SHROOM4: variants seen among roughly 807,000 people sequenced by gnomAD.
SHROOM4 encodes shroom family member 4.
Under a neutral mutation model 80.3 loss-of-function variants are expected in SHROOM4, and 17 were observed. That is an observed-to-expected ratio of 0.21 (90% CI 0.14 to 0.32). The LOEUF is 0.32. Ranked by LOEUF, SHROOM4 falls within the 10% of genes least tolerant of loss-of-function variation. The pLI is 1.00. For synonymous variants in SHROOM4, 400 were observed against 437.5 expected (o/e 0.91, Z 1.07); for missense variants, 993 against 1,140.3 (o/e 0.87, Z 1.86).
At chrX:50,633,075 C>T in intron 4 of SHROOM4, 103 bp downstream of exon 4, 1 of 837,793 alleles carries the variant, frequency 1.2e-6, no homozygotes, top group Non-Finnish European at 1.7e-6. Context: ...CAGTGCTGTA[C>T]AGTTTCAAGG....
chrX:50,575,986 C>T, the SHROOM4 span, among the ~76,000 whole-genome samples: 1 of 111,601 alleles, frequency 9.0e-6, no homozygotes, highest in African/African-American at 3.3e-5. Flanking sequence ...TGGGGGGAAT[C>T]ACCCCCTTTC....
intron 1 of SHROOM4, among the ~76,000 whole-genome samples, chrX:50,724,073 G>A (rs1237943434): frequency 9.1e-6 from 1 of 110,115 alleles, no homozygotes; most frequent in African/African-American, 3.3e-5. Context: ...GATGGATGAT[G>A]CACCCCTTAC....
Position 50,659,343 on chromosome X carries a change from G to A in SHROOM4, c.270-21035C>T, listed in dbSNP as rs182591157. ...TGTATAATGCAGGGATAGAGTAGAG[G>A]GGCAAGTTTGAGAAATGTCTGGTCT... On this transcript the variant is annotated intron_variant, in intron 2 of 8. Coordinates refer to ENST00000376020, the MANE Select transcript of SHROOM4 (RefSeq NM_020717.5). Among the ~76,000 whole-genome samples the A allele has an allele frequency of 2.6e-3, 285 of 111,362 alleles. 1 individual carries two copies. Among genetic ancestry groups the A allele is most frequent in the African/African-American group, 8.9e-3 (273 of 30,614 alleles).
chrX:50,634,321 C>G lies in SHROOM4; in HGVS notation c.1752G>C (p.Lys584Asn), dbSNP rs1931223698. 2 of 1,209,070 alleles carry G rather than the reference C, an allele frequency of 1.7e-6. No individual in the cohort carries two copies. Among genetic ancestry groups the G allele is most frequent in the Non-Finnish European group, 2.2e-6 (2 of 895,066 alleles). ...TRGRSIQNRR[K>N]SERFATNLRN... ...GCAGATTGGTAGCAAAACGCTCACT[C>G]TTCCGCCGGTTTTGGATCGAGCGGC... The change falls in exon 4 of 9, where the codon AAG becomes AAC. Residue 584 changes from lysine to asparagine, a missense_variant. By Grantham distance (94) the Lys-to-Asn change is moderately conservative. Transcript: ENST00000376020.
At chrX:50,718,876 A>T (rs1473233028) in intron 1 of SHROOM4, among the ~76,000 whole-genome samples, 4 of 111,525 alleles carry the variant, frequency 3.6e-5, no homozygotes, top group Admixed American at 9.5e-5. Flanking sequence ...TCCTAGCCCA[A>T]TGCAAACTTA....
intron 1 of SHROOM4, among the ~76,000 whole-genome samples, chrX:50,723,393 G>GGGGAGA (rs1557265631): frequency 1.8e-5 from 1 of 54,471 alleles, no homozygotes; most frequent in Non-Finnish European, 3.3e-5. Flanking sequence ...AGCAAGGGAG[G>GGGGAGA]GAGAGAGAGA....
At chrX:50,621,094 A>G (rs782340206) in intron 5 of SHROOM4, among the ~76,000 whole-genome samples, 94 of 112,156 alleles carry the variant, frequency 8.4e-4, no homozygotes, top group Non-Finnish European at 8.3e-4. Flanking sequence ...TGGAATAAAT[A>G]TGCGATTCTA....
intron 2 of SHROOM4, among the ~76,000 whole-genome samples, chrX:50,669,673 C>T (rs113017152): frequency 0.077 from 8,640 of 111,716 alleles, 838 homozygotes; most frequent in African/African-American, 0.27. Flanking sequence ...TGTTGAATAT[C>T]CTAAATCCCT....
At chrX:50,680,309 GT>G (rs1317904386) in intron 2 of SHROOM4, among the ~76,000 whole-genome samples, 2 of 111,580 alleles carry the variant, frequency 1.8e-5, no homozygotes, top group African/African-American at 6.5e-5. Flanking sequence ...AATGTCCATG[GT>G]TTTAGCTCCT....
Position 50,607,608 on chromosome X carries a change from C to G in SHROOM4, c.3534G>C (p.Glu1178Asp). Residue 1178 changes from glutamate to aspartate, a missense_variant, in exon 6 of 9, where the codon GAG (glutamate) becomes GAC (aspartate). By Grantham distance (45) the Glu-to-Asp change is conservative. Coordinates refer to ENST00000376020, the MANE Select transcript of SHROOM4 (RefSeq NM_020717.5). ...TGAGGGGTTGTGGCTGCTCTAGGACCTCCTCAGGATTGAGAGCACAGGAAC... is the reference window on the plus strand; with the variant it reads ...TGAGGGGTTGTGGCTGCTCTAGGACGTCCTCAGGATTGAGAGCACAGGAAC... The part of the protein sequence containing the change: ...TSGSCALNPE[E>D]VLEQPQPLSF... 1 of 1,211,593 alleles carries G rather than the reference C, an allele frequency of 8.3e-7. No homozygotes were observed. The highest frequency in any genetic ancestry group is 1.1e-6 in the Non-Finnish European group (1 of 895,455).
rs781927432 is a variant in SHROOM4 at position 50,714,829 on chromosome X, G to T, written c.118-18892C>A. On this transcript the variant is annotated intron_variant, in intron 1 of 8. Transcript: ENST00000376020. Reference sequence around the variant, plus strand: ...GCTCAATCTTCTGCAATTCCCAGAGGATATGCTACAGAAGATCATGAAGCT... The same window carrying T: ...GCTCAATCTTCTGCAATTCCCAGAGTATATGCTACAGAAGATCATGAAGCT... Among the ~76,000 whole-genome samples, 3 of 111,583 alleles carry T rather than the reference G, an allele frequency of 2.7e-5. No homozygotes were observed. The Admixed American group carries it at 2.9e-4, about 11-fold the overall frequency.
chrX:50,587,793 T>C lies in SHROOM4; in HGVS notation c.*8902A>G, dbSNP rs1928789446. On this transcript the variant is annotated 3_prime_UTR_variant, in exon 9 of 9. Coordinates refer to ENST00000376020, the MANE Select transcript of SHROOM4 (RefSeq NM_020717.5). The stretch of plus-strand genomic sequence containing the variant: ...ACACTTACAATCTATTTTGTTTAAC[T>C]TACAAACAGCAAAAATGCTACCACA... Among the ~76,000 whole-genome samples, 1 of 112,329 alleles carries C rather than the reference T, an allele frequency of 8.9e-6. No individual in the cohort carries two copies. Among genetic ancestry groups the C allele is most frequent in the Non-Finnish European group, 1.9e-5 (1 of 53,236 alleles).
chrX:50,749,717 A>G (rs782754242), intron 1 of SHROOM4, among the ~76,000 whole-genome samples: 28 of 112,133 alleles, frequency 2.5e-4, no homozygotes, highest in Non-Finnish European at 4.7e-4. Context: ...GGGATATTTA[A>G]GAAAGATAGT....
At chrX:50,776,972 G>A (rs1935525674) in intron 1 of SHROOM4, among the ~76,000 whole-genome samples, 1 of 111,530 alleles carries the variant, frequency 9.0e-6, no homozygotes, top group African/African-American at 3.3e-5. Context: ...ACAGGTGTGA[G>A]CCACCGCACC....
At chrX:50,715,569 G>A (rs192819629) in intron 1 of SHROOM4, among the ~76,000 whole-genome samples, 6 of 111,851 alleles carry the variant, frequency 5.4e-5, no homozygotes, top group African/African-American at 2.0e-4. Flanking sequence ...ATGGCAAATG[G>A]CCAGCAGGCA....
downstream of SHROOM4, among the ~76,000 whole-genome samples, chrX:50,585,634 G>A (rs1338050448): frequency 1.8e-5 from 2 of 111,480 alleles, no homozygotes; most frequent in Admixed American, 1.9e-4. Flanking sequence ...ATGGTGTTAT[G>A]CAGCTAGGCA....
At chrX:50,623,253 T>C (rs927608120) in intron 5 of SHROOM4, among the ~76,000 whole-genome samples, 1 of 111,497 alleles carries the variant, frequency 9.0e-6, no homozygotes, top group African/African-American at 3.3e-5. Flanking sequence ...AGTATCACAA[T>C]CTTGGCTCAC....
chrX:50,764,846 G>A (rs977357814), intron 1 of SHROOM4, among the ~76,000 whole-genome samples: 4 of 111,538 alleles, frequency 3.6e-5, no homozygotes, highest in African/African-American at 1.3e-4. Context: ...AGAAATACAT[G>A]AGACTGGGTA....
At chrX:50,683,298 C>CA (rs1932983630) in intron 2 of SHROOM4, among the ~76,000 whole-genome samples, 1 of 111,512 alleles carries the variant, frequency 9.0e-6, no homozygotes, top group Non-Finnish European at 1.9e-5. Flanking sequence ...GTGGAGATGG[C>CA]AGAGATAAAC....
Sources: gnomAD v4.1 joint callset for allele counts (sites outside exome capture counted in the v4.1 genomes callset) on GRCh38, gnomAD v4.1.1 for gene constraint, MANE v1.5 for transcripts, NCBI Gene and HGNC (gene_info 2026-07-23, HGNC 2026-07-21) for gene names.